DNAH7: variants seen among roughly 807,000 people sequenced by gnomAD.
The protein encoded by DNAH7 is dynein axonemal heavy chain 7, also known as axonemal beta dynein heavy chain 7.
In DNAH7, 397 loss-of-function variants were observed where a neutral mutation model predicts 444.6. That is an observed-to-expected ratio of 0.89 (90% CI 0.82 to 0.97). The LOEUF (loss-of-function observed/expected upper bound fraction) is 0.97, where lower values mean the gene tolerates loss of function less well. Among genes scored for constraint, DNAH7 ranks in the 50% least tolerant of loss-of-function variants. DNAH7 has a pLI of 0.00. For synonymous variants in DNAH7, 1,636 were observed against 1,624.4 expected (o/e 1.01, Z -0.17); for missense variants, 4,902 against 4,800.8 (o/e 1.02, Z -0.62).
chr2:196,048,336 C>G lies in DNAH7; in HGVS notation c.210G>C (p.Glu70Asp). The change falls in exon 4 of 65, where the codon GAG becomes GAC. Residue 70 changes from glutamate (E) to aspartate (D), a missense_variant. By Grantham distance (45) the Glu-to-Asp change is conservative (BLOSUM62 2). Coordinates refer to ENST00000312428, the MANE Select transcript of DNAH7 (RefSeq NM_018897.3). ...SFHLSVKQDD[E>D]SPEPFSVKNE... ...TTTTAACACTAAATGGTTCTGGACT[C>G]TCATCATCCTGCTTTACACTCAAAT... The G allele has an allele frequency of 6.2e-7, 1 of 1,614,018 alleles. No individual in the cohort carries two copies. The highest frequency in any genetic ancestry group is 8.5e-7 in the Non-Finnish European group (1 of 1,179,956).
intron 19 of DNAH7, among the ~76,000 whole-genome samples, chr2:195,950,645 G>A (rs936296285): frequency 6.6e-6 from 1 of 151,732 alleles, no homozygotes; most frequent in African/African-American, 2.4e-5. Context: ...TCAAGGGATC[G>A]AAACCATCCT....
At chr2:195,740,689 T>C (rs937750225) in intron 64 of DNAH7, 77 bp downstream of exon 64, 3 of 358,504 alleles carry the variant, frequency 8.4e-6, no homozygotes, top group Admixed American at 1.1e-4. Flanking sequence ...ACACACAATA[T>C]GGGGTCTATT....
rs573693960 is a variant in DNAH7, at chr2:195,755,886, C to T, written c.11586+247G>A. ...TTCGAAAATGTTTTGCTGTAGGTAT[C>T]TATTTTAATGTTAAATACCTAGTGG... On this transcript the variant is annotated intron_variant, in intron 62 of 64. Transcript: ENST00000312428. 2.6e-4 allele frequency among the ~76,000 whole-genome samples: 39 copies of T among 152,230 alleles called. No homozygotes were observed. In the South Asian group the frequency reaches 7.5e-3, roughly 29 times the overall value.
chr2:195,832,909 G>A (rs115957989), intron 48 of DNAH7, among the ~76,000 whole-genome samples: 2,781 of 152,176 alleles, frequency 0.018, 88 homozygotes, highest in African/African-American at 0.062. Context: ...AATAGACACC[G>A]CTGTAAGTAT....
intron 24 of DNAH7, among the ~76,000 whole-genome samples, chr2:195,914,352 T>C (rs1296072872): frequency 6.6e-6 from 1 of 152,258 alleles, no homozygotes; most frequent in African/African-American, 2.4e-5. Flanking sequence ...CATGTAATGT[T>C]AACTGTAAAG....
chr2:195,987,204 T>C lies in DNAH7; in HGVS notation c.1627-11A>G. 6.5e-7 allele frequency: 1 copy of C among 1,538,298 alleles called. No individual in the cohort carries two copies. Among genetic ancestry groups the C allele is most frequent in the Non-Finnish European group, 8.7e-7 (1 of 1,143,976 alleles). ...TCCTAAACGAATAGTCTGCAAAAGA[T>C]TAAAAGTTTAATCAACATAAGAAGA... On this transcript the variant is annotated splice_polypyrimidine_tract_variant and intron_variant, in intron 13 of 64. Coordinates refer to ENST00000312428, the MANE Select transcript of DNAH7 (RefSeq NM_018897.3).
At chr2:195,846,415 G>A (rs996065432) in intron 46 of DNAH7, among the ~76,000 whole-genome samples, 1 of 152,196 alleles carries the variant, frequency 6.6e-6, no homozygotes. Context: ...TGGTGGGAAT[G>A]TAAATTAGTT....
intron 28 of DNAH7, among the ~76,000 whole-genome samples, chr2:195,899,708 A>C (rs1383658398): frequency 6.6e-6 from 1 of 152,190 alleles, no homozygotes; most frequent in Non-Finnish European, 1.5e-5. Context: ...TTTTCTATTA[A>C]GTAAGCCTAT....
intron 61 of DNAH7, among the ~76,000 whole-genome samples, chr2:195,768,584 T>C (rs1335098593): frequency 6.6e-6 from 1 of 152,052 alleles, no homozygotes; most frequent in East Asian, 1.9e-4. Flanking sequence ...AGATTTAACA[T>C]TTTTACTGGT....
intron 5 of DNAH7, 36 bp downstream of exon 5, chr2:196,047,316 A>G (rs1197657810): frequency 2.0e-6 from 3 of 1,488,572 alleles, no homozygotes; most frequent in East Asian, 4.8e-5. Context: ...GGGCTCTAAC[A>G]TGGGTAACAC....
At chr2:196,001,920 A>G in intron 10 of DNAH7, 62 bp from the exon 11 acceptor site, 1 of 1,355,602 alleles carries the variant, frequency 7.4e-7, no homozygotes, top group Non-Finnish European at 1.0e-6. Context: ...TTTTATATTA[A>G]GCATTAACAC....
chr2:195,970,373 A>G (rs767750101), intron 16 of DNAH7, among the ~76,000 whole-genome samples: 11 of 152,236 alleles, frequency 7.2e-5, no homozygotes, highest in African/African-American at 1.2e-4. Flanking sequence ...ATGTTAGACA[A>G]TGGTGATCTT....
chr2:195,960,493 G>A lies in DNAH7; in HGVS notation c.2658C>T (p.Asp886=). The change falls in exon 18 of 65, where the codon GAC becomes GAT. Residue 886 remains aspartate, a synonymous_variant. Coordinates refer to ENST00000312428, the MANE Select transcript of DNAH7 (RefSeq NM_018897.3). ...CTGCTTCACTAATACCTTCAAATCG[G>A]TCTATATATGGTTCCAGATTCATGT... ...FLDMNLEPYI[D]RFEGISEAAS... 6.2e-7 allele frequency: 1 copy of A among 1,614,100 alleles called. No homozygotes were observed. The highest frequency in any genetic ancestry group is 2.2e-5 in the East Asian group (1 of 44,880).
At chr2:195,792,199 ATACTGGAGAC>A (rs1032318241) in intron 57 of DNAH7, among the ~76,000 whole-genome samples, 8 of 148,792 alleles carry the variant, frequency 5.4e-5, no homozygotes, top group African/African-American at 2.0e-4. Context: ...GGAACAATAG[ATACTGGAGAC>A]TACTAAGGGG....
chr2:195,804,402 G>T (rs1696613828), intron 54 of DNAH7, among the ~76,000 whole-genome samples: 1 of 152,118 alleles, frequency 6.6e-6, no homozygotes, highest in Non-Finnish European at 1.5e-5. Context: ...TAATATAACG[G>T]CATACTAACA....
chr2:195,918,004 C>T (rs959858976), intron 24 of DNAH7, among the ~76,000 whole-genome samples: 15 of 152,128 alleles, frequency 9.9e-5, no homozygotes, highest in Admixed American at 3.3e-4. Flanking sequence ...ACGCAAGCTA[C>T]ATACTGGAAG....
At chr2:195,975,867 C>T (rs945581844) in intron 15 of DNAH7, among the ~76,000 whole-genome samples, 3 of 152,144 alleles carry the variant, frequency 2.0e-5, no homozygotes, top group African/African-American at 7.2e-5. Context: ...CAATTCATCA[C>T]CTGCTGACTA....
At chr2:195,939,903 C>T (rs1308600375) in intron 19 of DNAH7, among the ~76,000 whole-genome samples, 2 of 152,126 alleles carry the variant, frequency 1.3e-5, no homozygotes, top group Admixed American at 1.3e-4. Context: ...AAATTCCATG[C>T]TCATGGATAG....
At chr2:195,859,808 GCAA>G (rs1225205440) in intron 42 of DNAH7, among the ~76,000 whole-genome samples, 1 of 152,136 alleles carries the variant, frequency 6.6e-6, no homozygotes, top group African/African-American at 2.4e-5. Context: ...GAAACCTTGT[GCAA>G]CAAGCATAGG....
Sources: allele counts gnomAD v4.1 joint callset (sites outside exome capture counted in the v4.1 genomes callset), GRCh38; gene constraint gnomAD v4.1.1; transcripts MANE v1.5; gene names NCBI Gene and HGNC (gene_info 2026-07-23, HGNC 2026-07-21).